SUMF1: variants seen among roughly 807,000 people sequenced by gnomAD.
SUMF1 encodes sulfatase modifying factor 1.
SUMF1 carries 48 observed loss-of-function variants against 47.6 expected under a neutral mutation model. That is an observed-to-expected ratio of 1.01 (90% confidence interval 0.80 to 1.28). SUMF1 has a LOEUF of 1.28. Ranked by LOEUF, SUMF1 falls within the 50% of genes most tolerant of loss-of-function variation. The probability of loss-of-function intolerance (pLI) is 0.00; values close to 1 mark genes in which losing one functional copy is unlikely to be tolerated. For missense variants in SUMF1, 571 were observed against 485.4 expected, an observed-to-expected ratio of 1.18 and a Z score of -1.66; for synonymous variants, 230 against 192.1, an observed-to-expected ratio of 1.20 and a Z score of -1.63.
At chr3:4,419,032 A>G (rs1701808617) in intron 4 of SUMF1, among the ~76,000 whole-genome samples, 1 of 152,180 alleles carries the variant, frequency 6.6e-6, no homozygotes, top group Non-Finnish European at 1.5e-5. Context: ...CTGAGTACCT[A>G]TCATGTGCCA....
intron 3 of SUMF1, among the ~76,000 whole-genome samples, chr3:4,442,223 G>A (rs1702615046): frequency 6.6e-6 from 1 of 151,852 alleles, no homozygotes; most frequent in East Asian, 1.9e-4. Flanking sequence ...GTAAGAACGT[G>A]TGAAGGCACT....
rs14275 is a variant in SUMF1 at position 4,361,469 on chromosome 3, T to G, written c.*675A>C. The G allele has an allele frequency of 0.61, 93,765 of 153,944 alleles. 30,639 individuals are homozygous for G. Among genetic ancestry groups the G allele is most frequent in the Non-Finnish European group, 0.75 (51,542 of 69,068 alleles). The allele number at this position is 153,944 out of a possible 1,614,324, so 9.5% of individuals were successfully genotyped here. ...TTCCTATGTGTTCAACGGCTGAACT[T>G]CAGCATACCATCACCGGCCCCATGT... On this transcript the variant is annotated 3_prime_UTR_variant, in exon 9 of 9. Transcript: ENST00000272902.
At chr3:4,352,915 C>T (rs576942370) in intron 8 of SUMF1, among the ~76,000 whole-genome samples, 2 of 151,966 alleles carry the variant, frequency 1.3e-5, no homozygotes, top group East Asian at 1.9e-4. Flanking sequence ...TCTTTTTGAC[C>T]GTCCTTAGAA....
intron 8 of SUMF1, among the ~76,000 whole-genome samples, chr3:4,104,930 G>T (rs1293360359): frequency 6.6e-6 from 1 of 152,012 alleles, no homozygotes; most frequent in Non-Finnish European, 1.5e-5. Context: ...ACATTCCCAT[G>T]TTCATTTCAG....
At chr3:4,167,962 C>G (rs753379739) in intron 8 of SUMF1, among the ~76,000 whole-genome samples, 11 of 152,246 alleles carry the variant, frequency 7.2e-5, no homozygotes, top group Middle Eastern at 3.4e-3. Context: ...GTACAGTATT[C>G]CAATGATAGA....
At chr3:4,354,966 A>G (rs1688408) in intron 8 of SUMF1, among the ~76,000 whole-genome samples, 65,992 of 152,020 alleles carry the variant, frequency 0.43, 16,999 homozygotes, top group African/African-American at 0.71. Context: ...CTTGCCTTAC[A>G]GTGGCACAGT....
chr3:4,373,796 C>T (rs1700240350), intron 8 of SUMF1, among the ~76,000 whole-genome samples: 1 of 74,098 alleles, frequency 1.3e-5, no homozygotes, highest in African/African-American at 4.2e-5. Context: ...ATAATTTTTG[C>T]AAATCAAATC....
intron 8 of SUMF1, among the ~76,000 whole-genome samples, chr3:4,300,173 C>A (rs167464): frequency 3.3e-5 from 5 of 151,902 alleles, no homozygotes. Flanking sequence ...TCACAAGATC[C>A]GGTCATTTAA....
chr3:4,312,974 T>C (rs1234159449), intron 8 of SUMF1: 1 of 1,614,006 alleles, frequency 6.2e-7, no homozygotes. Flanking sequence ...TGCATTTGTG[T>C]CAAAACTCCC....
chr3:4,143,288 G>C (rs1214495470), intron 8 of SUMF1, among the ~76,000 whole-genome samples: 1 of 152,128 alleles, frequency 6.6e-6, no homozygotes, highest in Non-Finnish European at 1.5e-5. Flanking sequence ...GTGCAGAAAA[G>C]TTGGTGCAAA....
At chr3:4,415,681 T>G (rs1701689513) in intron 6 of SUMF1, among the ~76,000 whole-genome samples, 1 of 152,070 alleles carries the variant, frequency 6.6e-6, no homozygotes, top group Non-Finnish European at 1.5e-5. Flanking sequence ...GGTGTGGTGG[T>G]GTGCACCTGT....
chr3:4,189,929 C>T (rs149804609), intron 8 of SUMF1, among the ~76,000 whole-genome samples: 6 of 152,244 alleles, frequency 3.9e-5, no homozygotes, highest in Non-Finnish European at 7.4e-5. Flanking sequence ...TTCATCTGAG[C>T]ATCTGCAAAA....
intron 8 of SUMF1, among the ~76,000 whole-genome samples, chr3:4,223,912 T>C (rs1454626707): frequency 6.6e-6 from 1 of 152,172 alleles, no homozygotes; most frequent in East Asian, 1.9e-4. Flanking sequence ...TGAGCCTTCA[T>C]TTCTTCATCT....
intron 9 of SUMF1, among the ~76,000 whole-genome samples, chr3:4,052,357 A>G (rs181506098): frequency 6.6e-6 from 1 of 152,282 alleles, no homozygotes; most frequent in East Asian, 1.9e-4. Context: ...TTTGGCAAGG[A>G]CACAAATATT....
intron 8 of SUMF1, among the ~76,000 whole-genome samples, chr3:4,219,035 C>G (rs1395644928): frequency 6.6e-6 from 1 of 152,114 alleles, no homozygotes; most frequent in Non-Finnish European, 1.5e-5. Context: ...TGCTGTATGA[C>G]TTTTTTCTTT....
chr3:4,344,557 G>C (rs62259858), intron 8 of SUMF1, among the ~76,000 whole-genome samples: 3,731 of 152,162 alleles, frequency 0.025, 50 homozygotes, highest in South Asian at 0.033. Context: ...ACCAAAACTA[G>C]ACAAACTCAC....
rs549036336 is a variant in SUMF1 at position 4,254,484 on chromosome 3, C to T, written c.1014+121846G>A. On this transcript the variant is annotated intron_variant and NMD_transcript_variant, in intron 8 of 12. Coordinates refer to the SUMF1 transcript ENST00000448413. Reference sequence around the variant, plus strand: ...TGAAGAATGCAGAAGCCTCAGGAGCCGATGCCATCAACTGGAAGAAAGGGT... The same window carrying T: ...TGAAGAATGCAGAAGCCTCAGGAGCTGATGCCATCAACTGGAAGAAAGGGT... Among the ~76,000 whole-genome samples, 132 of 149,786 alleles carry T rather than the reference C, an allele frequency of 8.8e-4. 1 individual carries two copies. The highest frequency in any genetic ancestry group is 1.2e-3 in the Non-Finnish European group (80 of 67,496).
chr3:4,259,011 G>A (rs1697025012), intron 8 of SUMF1, among the ~76,000 whole-genome samples: 1 of 149,288 alleles, frequency 6.7e-6, no homozygotes, highest in South Asian at 2.1e-4. Context: ...ACTATCGCAA[G>A]AACAAAAAAC....
chr3:4,073,629 G>C (rs1002778848), intron 8 of SUMF1, among the ~76,000 whole-genome samples: 1 of 152,112 alleles, frequency 6.6e-6, no homozygotes, highest in African/African-American at 2.4e-5. Context: ...CAAAATAAAC[G>C]TATGGGGGAA....
Sources: allele counts gnomAD v4.1 joint callset (sites outside exome capture counted in the v4.1 genomes callset), GRCh38; gene constraint gnomAD v4.1.1; transcripts MANE v1.5; gene names NCBI Gene and HGNC (gene_info 2026-07-23, HGNC 2026-07-21).